Variants in DPP6 observed in about 807,000 individuals in gnomAD.
DPP6 encodes the protein A-type potassium channel modulatory protein DPP6.
Under a neutral mutation model 122.6 loss-of-function variants are expected in DPP6, and 69 were observed. The ratio of observed to expected loss-of-function variants is 0.56; its 90% CI spans 0.46 to 0.69. The LOEUF (loss-of-function observed/expected upper bound fraction) is 0.69. DPP6 is among the 30% of genes least tolerant of loss of function. The pLI, the probability that DPP6 is intolerant of heterozygous loss-of-function variation, is 0.00. For synonymous variants in DPP6, 418 were observed against 433.1 expected, an observed-to-expected ratio of 0.97 and a Z score of 0.43; for missense variants, 928 against 1,116.9, an observed-to-expected ratio of 0.83 and a Z score of 2.41.
intron 1 of DPP6, among the ~76,000 whole-genome samples, chr7:153,972,648 G>A (rs1796080146): frequency 6.6e-6 from 1 of 151,356 alleles, no homozygotes; most frequent in South Asian, 2.1e-4. Flanking sequence ...GGAAGTGCCC[G>A]TGGACATGTG....
At chr7:153,799,664 G>T in the DPP6 span, among the ~76,000 whole-genome samples, 1 of 152,068 alleles carries the variant, frequency 6.6e-6, no homozygotes, top group South Asian at 2.1e-4. Context: ...GCTTAGTTCT[G>T]CAAAAATGTT....
At chr7:154,590,865 A>G (rs1358934488) in intron 5 of DPP6, among the ~76,000 whole-genome samples, 2 of 152,104 alleles carry the variant, frequency 1.3e-5, no homozygotes, top group Admixed American at 6.5e-5. Context: ...CAAAAAATAT[A>G]TTCTGCGAGT....
chr7:154,579,213 G>C (rs1406611047), intron 5 of DPP6, among the ~76,000 whole-genome samples: 1 of 152,164 alleles, frequency 6.6e-6, no homozygotes, highest in African/African-American at 2.4e-5. Flanking sequence ...GCCAGGCATG[G>C]TGGTGGGCGC....
At chr7:154,767,381 C>T (rs1012944968) in intron 8 of DPP6, among the ~76,000 whole-genome samples, 1 of 152,134 alleles carries the variant, frequency 6.6e-6, no homozygotes, top group Non-Finnish European at 1.5e-5. Context: ...TCCAGCAGAC[C>T]ATCTGCTGGA....
Position 154,639,045 on chromosome 7 carries a change from G to A in DPP6, c.680+1172G>A, listed in dbSNP as rs79261268. Among the ~76,000 whole-genome samples the A allele has an allele frequency of 6.0e-3, 915 of 152,342 alleles. 11 individuals are homozygous for A. Among genetic ancestry groups the A allele is most frequent in the African/African-American group, 0.021 (862 of 41,574 alleles). ...TCCCAAGCAAATTTTAACAGCAGGA[G>A]TGGCTAGAAAGCATTTTTCCATAGG... On this transcript the variant is annotated intron_variant, in intron 6 of 25. Transcript: ENST00000377770.
At chr7:154,254,392 T>A (rs1018055485) in intron 1 of DPP6, among the ~76,000 whole-genome samples, 4 of 152,150 alleles carry the variant, frequency 2.6e-5, no homozygotes, top group African/African-American at 9.7e-5. Flanking sequence ...GCTTACTTTG[T>A]TTATTTATAG....
chr7:154,730,082 G>A (rs1229046830), intron 8 of DPP6, among the ~76,000 whole-genome samples: 4 of 152,202 alleles, frequency 2.6e-5, no homozygotes. Flanking sequence ...TCAGTAGACT[G>A]TTGACAATGA....
At chr7:153,918,644 A>C in intron 1 of DPP6, among the ~76,000 whole-genome samples, 2 of 147,240 alleles carry the variant, frequency 1.4e-5, no homozygotes, top group South Asian at 2.2e-4. Flanking sequence ...TGGTGATATC[A>C]TCTCTGTGTA....
intron 8 of DPP6, among the ~76,000 whole-genome samples, chr7:154,748,987 T>C (rs1432714836): frequency 6.6e-6 from 1 of 151,980 alleles, no homozygotes. Context: ...GGGGCTTTAC[T>C]GAGAGAGGGT....
chr7:154,396,768 AC>A (rs1815124385), intron 1 of DPP6, among the ~76,000 whole-genome samples: 1 of 152,214 alleles, frequency 6.6e-6, no homozygotes. Flanking sequence ...ACATGCCGAA[AC>A]CTTGTTTCTA....
chr7:154,693,887 G>C (rs60803596), intron 7 of DPP6, among the ~76,000 whole-genome samples: 24,040 of 152,136 alleles, frequency 0.16, 2,591 homozygotes, highest in African/African-American at 0.29. Flanking sequence ...AGCACCCCTT[G>C]TGGTGTGAGA....
chr7:154,546,270 T>C (rs974954549), intron 4 of DPP6, among the ~76,000 whole-genome samples: 3 of 152,168 alleles, frequency 2.0e-5, no homozygotes, highest in African/African-American at 7.2e-5. Flanking sequence ...ACTATGAAAA[T>C]ACTTAATCTT....
intron 1 of DPP6, among the ~76,000 whole-genome samples, chr7:154,176,749 C>T (rs1444030249): frequency 2.0e-5 from 3 of 152,230 alleles, no homozygotes; most frequent in African/African-American, 7.2e-5. Flanking sequence ...TCGGAAGAGT[C>T]GAGCAGGCAG....
intron 1 of DPP6, among the ~76,000 whole-genome samples, chr7:154,347,182 T>C (rs1264533999): frequency 6.6e-6 from 1 of 152,242 alleles, no homozygotes; most frequent in East Asian, 1.9e-4. Context: ...TTCTTAGCAT[T>C]TACCATTATC....
chr7:154,772,992 A>G, intron 10 of DPP6, 50 bp downstream of exon 10: 2 of 1,499,304 alleles, frequency 1.3e-6, no homozygotes, highest in Non-Finnish European at 1.8e-6. Flanking sequence ...ACTAAGATGA[A>G]TGTTCAATGT....
At chr7:154,205,786 T>A (rs10253211) in intron 1 of DPP6, among the ~76,000 whole-genome samples, 116,720 of 149,460 alleles carry the variant, frequency 0.78, 45,805 homozygotes, top group Non-Finnish European at 0.85. Context: ...AAAAAAAAAT[T>A]AATTAATTAA....
At chr7:154,844,550 A>G (rs906838291) in intron 16 of DPP6, among the ~76,000 whole-genome samples, 4 of 152,206 alleles carry the variant, frequency 2.6e-5, no homozygotes, top group Non-Finnish European at 5.9e-5. Flanking sequence ...TTTGATTTAG[A>G]TGTTTTCCTG....
chr7:154,744,271 T>A (rs1842939403), intron 8 of DPP6, among the ~76,000 whole-genome samples: 1 of 152,072 alleles, frequency 6.6e-6, no homozygotes, highest in South Asian at 2.1e-4. Context: ...GGGGAATTGA[T>A]CTCTCAGAGC....
chr7:154,115,431 C>T (rs1374132423), intron 1 of DPP6, among the ~76,000 whole-genome samples: 2 of 152,192 alleles, frequency 1.3e-5, no homozygotes, highest in Non-Finnish European at 2.9e-5. Flanking sequence ...TAGTGACCTT[C>T]GTGAGTTTCC....
Sources: allele counts gnomAD v4.1 joint callset (sites outside exome capture counted in the v4.1 genomes callset), GRCh38; gene constraint gnomAD v4.1.1; transcripts MANE v1.5; gene names NCBI Gene and HGNC (gene_info 2026-07-23, HGNC 2026-07-21).